UPK3B: variants seen among roughly 807,000 people sequenced by gnomAD.
The protein encoded by UPK3B is uroplakin 3B, also known as uroplakin-3b.
Under a neutral mutation model 27.6 loss-of-function variants are expected in UPK3B, and 21 were observed. That is an observed-to-expected ratio of 0.76 (90% CI 0.54 to 1.10). The LOEUF is 1.10. Among genes scored for constraint, UPK3B ranks in the 50% least tolerant of loss-of-function variants. The pLI is 0.00. For missense variants in UPK3B, 306 were observed against 376.1 expected (o/e 0.81, Z 1.54); for synonymous variants, 141 against 162.3 (o/e 0.87, Z 1.00).
At position 76,515,243 on chromosome 7, in the gene UPK3B, T is replaced by C. The variant is rs1799126; in HGVS notation, c.*39T>C. ...CATGGGGCTGGGGGAGATGGGGCGCTGGGAGTGAGTGCATGGTGCTTTGTC... is the reference window on the plus strand; with the variant it reads ...CATGGGGCTGGGGGAGATGGGGCGCCGGGAGTGAGTGCATGGTGCTTTGTC... On this transcript the variant is annotated 3_prime_UTR_variant, in exon 6 of 6. Transcript: ENST00000334348. 1 allele frequency: 1,572,572 copies of C among 1,575,898 alleles called. 784,655 individuals carry two copies. Among genetic ancestry groups the C allele is most frequent in the Non-Finnish European group, 1 (1,160,673 of 1,160,716 alleles).
chr7:76,514,089 A>AC lies in UPK3B; in HGVS notation c.671+18dup. ...CTACCATGCGCTTGTGAGTGGGGAC[A>AC]CCCCCTCGGGCCCCTCTCCCACCCA... On this transcript the variant is annotated intron_variant, in intron 5 of 5. Coordinates refer to ENST00000334348, the MANE Select transcript of UPK3B (RefSeq NM_001347684.2). 2 of 1,613,214 alleles carry AC rather than the reference A, an allele frequency of 1.2e-6. No individual in the cohort carries two copies. Among genetic ancestry groups the AC allele is most frequent in the Non-Finnish European group, 1.7e-6 (2 of 1,179,736 alleles).
Position 76,515,164 on chromosome 7 carries a change from G to A in UPK3B, c.791G>A (p.Cys264Tyr), listed in dbSNP as rs1160651354. 6.3e-7 allele frequency: 1 copy of A among 1,596,742 alleles called. No individual in the cohort carries two copies. Among genetic ancestry groups the A allele is most frequent in the East Asian group, 2.3e-5 (1 of 44,076 alleles). The change falls in exon 6 of 6, where the codon TGC becomes TAC. Residue 264 changes from cysteine to tyrosine, a missense_variant. Transcript: ENST00000334348. ...GAGGCCGCCACACTGCCGGTGGGCTGCAAGCCTGGCCTGGACCCCCTCCCC... is the reference window on the plus strand; with the variant it reads ...GAGGCCGCCACACTGCCGGTGGGCTACAAGCCTGGCCTGGACCCCCTCCCC... ...PREAATLPVGCKPGLDPLPSL... is the reference protein window; with the variant it reads ...PREAATLPVGYKPGLDPLPSL...
chr7:76,515,313 C>G lies in UPK3B; in HGVS notation c.*109C>G, dbSNP rs1318806481. ...GCCCCCTCAGGGCTCCTTGCCTTTC[C>G]CCCCCACCAGCACACCCCGTACCCT... On this transcript the variant is annotated 3_prime_UTR_variant, in exon 6 of 6. Transcript: ENST00000334348. The G allele has an allele frequency of 3.3e-6, 5 of 1,521,788 alleles. No homozygotes were observed. Among genetic ancestry groups the G allele is most frequent in the Non-Finnish European group, 4.4e-6 (5 of 1,131,484 alleles). 94.3% of individuals were successfully genotyped at this position (1,521,788 alleles called of 1,614,324 possible). A position where few individuals can be genotyped will look rare whatever the true frequency, so the allele number is the denominator to read the frequency against.
In UPK3B at chr7:76,515,423, A is replaced by T; in HGVS notation, c.*219A>T. The T allele has an allele frequency of 6.7e-7, 1 of 1,499,054 alleles. No individual in the cohort carries two copies. 92.9% of individuals were successfully genotyped at this position (1,499,054 alleles called of 1,614,324 possible). ...CTCCAAGCATCTGTAAGTTGCACTC[A>T]GGAGGGTTTAGGGGAGGGCCATGGG... On this transcript the variant is annotated 3_prime_UTR_variant, in exon 6 of 6. Transcript: ENST00000334348.
At chr7:76,511,550 G>A (rs368075160) in intron 2 of UPK3B, 107 bp from the exon 3 acceptor site, 40 of 1,224,600 alleles carry the variant, frequency 3.3e-5, no homozygotes, top group East Asian at 2.5e-4. Flanking sequence ...GAGGGAGGAG[G>A]TGGCATGGGG....
chr7:76,514,062 C>A lies in UPK3B; in HGVS notation c.657C>A (p.Ala219=). 6.2e-7 allele frequency: 1 copy of A among 1,614,044 alleles called. No homozygotes were observed. The highest frequency in any genetic ancestry group is 8.5e-7 in the Non-Finnish European group (1 of 1,179,956). The change falls in exon 5 of 6, where the codon GCC becomes GCA. Residue 219 remains alanine, a synonymous_variant. Coordinates refer to ENST00000334348, the MANE Select transcript of UPK3B (RefSeq NM_001347684.2). ...AGLLLLAFLA[A]STMRFSSLWW... is the part of the protein sequence containing the mutation. Reference sequence around the variant, plus strand: ...TCCTACTCTTGGCCTTCTTGGCAGCCTCTACCATGCGCTTGTGAGTGGGGA... The same window carrying A: ...TCCTACTCTTGGCCTTCTTGGCAGCATCTACCATGCGCTTGTGAGTGGGGA...
rs1584277303 is a variant in UPK3B, at chr7:76,516,100, A to C, written c.*896A>C. The C allele has an allele frequency of 1.5e-5, 9 of 608,062 alleles. 4 individuals carry two copies. Among genetic ancestry groups the C allele is most frequent in the Non-Finnish European group, 1.3e-5 (7 of 528,396 alleles). The allele number at this position is 608,062 out of a possible 1,614,324, so 37.7% of individuals were successfully genotyped here. ...AAGGCCGGTGGTTCCCGTCGTCGCC[A>C]CTCGGGGTCGCCGGTGAGCCGCAGC... is the stretch of plus-strand genomic sequence containing the variant. On this transcript the variant is annotated 3_prime_UTR_variant, in exon 6 of 6. Transcript: ENST00000334348.
chr7:76,514,905 CAAAA>C, intron 5 of UPK3B, 136 bp from the exon 6 acceptor site: 194 of 968,810 alleles, frequency 2.0e-4, no homozygotes, highest in East Asian at 4.7e-4. Context: ...GACTCCATCT[CAAAA>C]AAAAAAAAAA....
At position 76,511,826 on chromosome 7, in the gene UPK3B, C is replaced by A. The variant is rs755518897; in HGVS notation, c.405C>A (p.His135Gln). Reference sequence around the variant, plus strand: ...CCGTGCTGCGGGTGGGCCATGACCACGGCTGCCACCAGCAGCCCTTCTGCA... The same window carrying A: ...CCGTGCTGCGGGTGGGCCATGACCAAGGCTGCCACCAGCAGCCCTTCTGCA... ...GAPVLRVGHD[H>Q]GCHQQPFCNA... Residue 135 changes from histidine to glutamine, a missense_variant, in exon 3 of 6, where the codon CAC becomes CAA. His to Gln is a conservative substitution (Grantham distance 24). Coordinates refer to ENST00000334348, the MANE Select transcript of UPK3B (RefSeq NM_001347684.2). The A allele has an allele frequency of 1.2e-5, 18 of 1,498,124 alleles. No homozygotes were observed. The highest frequency in any genetic ancestry group is 8.0e-6 in the Non-Finnish European group (9 of 1,119,938). The allele number at this position is 1,498,124 out of a possible 1,614,324, so 92.8% of individuals were successfully genotyped here.
chr7:76,513,029 G>A (rs1281712372), intron 3 of UPK3B, 55 bp from the exon 4 acceptor site: 1 of 1,502,078 alleles, frequency 6.7e-7, no homozygotes. Context: ...CCCTGCCCAG[G>A]GTGGTCCCAG....
At position 76,515,783 on chromosome 7, in the gene UPK3B, C is replaced by T. The variant is rs1812712637; in HGVS notation, c.*579C>T. 1.6e-6 allele frequency: 1 copy of T among 613,132 alleles called. No homozygotes were observed. Among genetic ancestry groups the T allele is most frequent in the Non-Finnish European group, 1.9e-6 (1 of 531,106 alleles). 38.0% of individuals were successfully genotyped at this position (613,132 alleles called of 1,614,324 possible). ...TACCAATTCTGGCCACCACCTCCAA[C>T]CCTCTTGTGCATATGGATGGCTCTA... On this transcript the variant is annotated 3_prime_UTR_variant, in exon 6 of 6. Transcript: ENST00000334348.
intron 4 of UPK3B, 21 bp downstream of exon 4, chr7:76,513,184 C>A (rs146820372): frequency 2.5e-6 from 4 of 1,606,556 alleles, no homozygotes; most frequent in Admixed American, 3.3e-5. Flanking sequence ...GCAGGAGGGG[C>A]GCTGCCCCCA....
At position 76,513,796 on chromosome 7, in the gene UPK3B, G is replaced by T. The variant is rs904864164; in HGVS notation, c.542-151G>T. Reference sequence around the variant, plus strand: ...ATGCTGTGCCGTCCCGAGGAAGAGGGACGGGGGGTGGGATCAGGGGGGCGC... The same window carrying T: ...ATGCTGTGCCGTCCCGAGGAAGAGGTACGGGGGGTGGGATCAGGGGGGCGC... On this transcript the variant is annotated intron_variant, in intron 4 of 5. Coordinates refer to ENST00000334348, the MANE Select transcript of UPK3B (RefSeq NM_001347684.2). The T allele has an allele frequency of 1.3e-4, 144 of 1,146,394 alleles. 2 individuals carry two copies. In the Middle Eastern group the frequency reaches 3.0e-3, roughly 24 times the overall value. The allele number at this position is 1,146,394 out of a possible 1,614,324, so 71.0% of individuals were successfully genotyped here.
At chr7:76,513,776 G>C (rs540785346) in intron 4 of UPK3B, among the ~76,000 whole-genome samples, 171 bp from the exon 5 acceptor site, 4 of 151,800 alleles carry the variant, frequency 2.6e-5, no homozygotes. Flanking sequence ...AACAGATGCT[G>C]TGCCGTCCCG....
In UPK3B at chr7:76,513,167, G is replaced by T; in HGVS notation, c.541+4G>T. ...GACCCCATCACTCTCCACCAAGGTA[G>T]CGCTGGGCAGGAGGGGCGCTGCCCC... On this transcript the variant is annotated splice_donor_region_variant and intron_variant, in intron 4 of 5. Coordinates refer to ENST00000334348, the MANE Select transcript of UPK3B (RefSeq NM_001347684.2). 6.2e-7 allele frequency: 1 copy of T among 1,613,320 alleles called. No individual in the cohort carries two copies. The highest frequency in any genetic ancestry group is 8.5e-7 in the Non-Finnish European group (1 of 1,179,722).
intron 4 of UPK3B, among the ~76,000 whole-genome samples, chr7:76,513,572 T>C (rs1335221574): frequency 6.6e-6 from 1 of 151,302 alleles, no homozygotes; most frequent in African/African-American, 2.4e-5. Flanking sequence ...AAGTTTCGAG[T>C]GCCACGGCCC....
chr7:76,515,266 G>C lies in UPK3B; in HGVS notation c.*62G>C, dbSNP rs1269489584. ...GCTGGGAGTGAGTGCATGGTGCTTT[G>C]TCCCAGCTCCTGCACCCACAGGCCC... On this transcript the variant is annotated 3_prime_UTR_variant, in exon 6 of 6. Transcript: ENST00000334348. 1.3e-5 allele frequency: 21 copies of C among 1,558,266 alleles called. No homozygotes were observed. The highest frequency in any genetic ancestry group is 1.8e-5 in the Non-Finnish European group (21 of 1,150,742).
chr7:76,516,178 GC>G lies in UPK3B; in HGVS notation c.*976del, dbSNP rs879894557. The G allele has an allele frequency of 2.4e-3, 1,484 of 612,088 alleles. 554 individuals are homozygous for G. The highest frequency in any genetic ancestry group is 2.6e-3 in the Non-Finnish European group (1,389 of 530,016). 37.9% of individuals were successfully genotyped at this position (612,088 alleles called of 1,614,324 possible). ...CTCGCTGCTATTCGCTGCCCCTTCT[GC>G]CTCCGAGGCGGTAGCAGATGCCACG... On this transcript the variant is annotated 3_prime_UTR_variant, in exon 6 of 6. Coordinates refer to ENST00000334348, the MANE Select transcript of UPK3B (RefSeq NM_001347684.2).
chr7:76,513,420 G>C (rs1259670212), intron 4 of UPK3B, among the ~76,000 whole-genome samples: 3 of 152,192 alleles, frequency 2.0e-5, no homozygotes, highest in Admixed American at 1.3e-4. Flanking sequence ...CTCCTGTAGG[G>C]AGTCAGCCTG....
Sources: allele counts gnomAD v4.1 joint callset (sites outside exome capture counted in the v4.1 genomes callset), GRCh38; gene constraint gnomAD v4.1.1; transcripts MANE v1.5; gene names NCBI Gene and HGNC (gene_info 2026-07-23, HGNC 2026-07-21).